The following TRIM37 variants were observed in gnomAD, a reference collection of about 807,000 sequenced individuals.
TRIM37 encodes tripartite motif containing 37, also known as E3 ubiquitin-protein ligase TRIM37.
TRIM37 carries 80 observed loss-of-function variants against 129.8 expected under a neutral mutation model. The ratio of observed to expected loss-of-function variants is 0.62; its 90% CI spans 0.51 to 0.74. The LOEUF (loss-of-function observed/expected upper bound fraction) is 0.74. Ranked by LOEUF, TRIM37 falls within the 30% of genes least tolerant of loss-of-function variation. The pLI, the probability that TRIM37 is intolerant of heterozygous loss-of-function variation, is 0.00. For missense variants in TRIM37, 1,054 were observed against 1,176.5 expected, an observed-to-expected ratio of 0.90 and a Z score of 1.52; for synonymous variants, 389 against 387.1, an observed-to-expected ratio of 1.00 and a Z score of -0.06.
Position 58,998,694 on chromosome 17 carries a change from C to T in TRIM37, c.*683G>A, listed in dbSNP as rs1335304492. The T allele has an allele frequency of 2.0e-6, 2 of 985,262 alleles. No individual in the cohort carries two copies. The highest frequency in any genetic ancestry group is 2.3e-4 in the East Asian group (2 of 8,828). 61.0% of individuals were successfully genotyped at this position (985,262 alleles called of 1,614,324 possible). The stretch of plus-strand genomic sequence containing the variant: ...TTTTAAATAATCTTACACGTGTCTA[C>T]AGGGCCAGGAACGTAATGAATCCAT... On this transcript the variant is annotated 3_prime_UTR_variant, in exon 24 of 24. Transcript: ENST00000262294.
chr17:59,081,035 A>T lies in TRIM37; in HGVS notation c.492+62T>A. ...AACATCTGATTAACTTATATTATAT[A>T]AATATATTATTATATATTACAGATT... On this transcript the variant is annotated intron_variant, in intron 6 of 23. Transcript: ENST00000262294. 5.4e-6 allele frequency: 5 copies of T among 921,330 alleles called. No homozygotes were observed. The South Asian group carries it at 1.4e-4, about 26-fold the overall frequency. 57.1% of individuals were successfully genotyped at this position (921,330 alleles called of 1,614,324 possible).
chr17:59,068,940 C>T (rs1312897128), intron 9 of TRIM37, among the ~76,000 whole-genome samples: 3 of 152,092 alleles, frequency 2.0e-5, no homozygotes, highest in Admixed American at 6.6e-5. Context: ...TGGGATACTG[C>T]TAAACATCTT....
intron 22 of TRIM37, among the ~76,000 whole-genome samples, chr17:59,004,987 A>G (rs2034283406): frequency 6.6e-6 from 1 of 152,240 alleles, no homozygotes; most frequent in South Asian, 2.1e-4. Flanking sequence ...AATTTTATGA[A>G]GTAGGGGAAA....
At chr17:59,089,512 G>C (rs955134852) in intron 3 of TRIM37, among the ~76,000 whole-genome samples, 1 of 151,962 alleles carries the variant, frequency 6.6e-6, no homozygotes. Flanking sequence ...GTGGTGGCAC[G>C]TGCCTGTAAT....
At chr17:59,012,570 A>G in intron 21 of TRIM37, 124 bp from the exon 22 acceptor site, 1 of 705,488 alleles carries the variant, frequency 1.4e-6, no homozygotes, top group East Asian at 2.7e-5. Context: ...TAAATTTCAA[A>G]TTTTATCTGA....
downstream of TRIM37, chr17:58,981,668 T>C (rs964584533): frequency 3.3e-5 from 5 of 152,646 alleles, no homozygotes; most frequent in African/African-American, 4.8e-5. Context: ...TCCTGTAACA[T>C]AAAAGATTGT....
chr17:59,056,019 G>C (rs748661507), intron 13 of TRIM37, among the ~76,000 whole-genome samples: 3 of 152,128 alleles, frequency 2.0e-5, no homozygotes, highest in Non-Finnish European at 2.9e-5. Flanking sequence ...ACAAAGAACT[G>C]ATAGTTGCTT....
chr17:59,100,028 C>G (rs932602747), intron 2 of TRIM37, among the ~76,000 whole-genome samples: 4 of 152,024 alleles, frequency 2.6e-5, no homozygotes, highest in African/African-American at 9.7e-5. Context: ...TCTCGAACTC[C>G]CGAATTCAGG....
chr17:59,069,974 C>T (rs985184284), intron 9 of TRIM37, among the ~76,000 whole-genome samples: 11 of 152,188 alleles, frequency 7.2e-5, no homozygotes, highest in African/African-American at 2.4e-4. Context: ...GTTTCTCGAA[C>T]TGTGAGAAAA....
intron 9 of TRIM37, 63 bp downstream of exon 9, chr17:59,070,760 A>G: frequency 6.5e-7 from 1 of 1,532,006 alleles, no homozygotes; most frequent in South Asian, 1.2e-5. Context: ...CATTCTTTTG[A>G]AACAAGTATA....
chr17:59,029,729 T>G (rs1473489246), intron 18 of TRIM37, among the ~76,000 whole-genome samples: 1 of 152,190 alleles, frequency 6.6e-6, no homozygotes, highest in Non-Finnish European at 1.5e-5. Flanking sequence ...GTGAAACCTG[T>G]CTCTACAAAA....
chr17:59,079,988 G>T (rs772281235), intron 6 of TRIM37, 111 bp from the exon 7 acceptor site: 3 of 1,273,560 alleles, frequency 2.4e-6, no homozygotes, highest in Non-Finnish European at 2.2e-6. Context: ...GTTAGAGGAA[G>T]GTCAAATGGA....
At chr17:59,075,312 C>T (rs2042712818) in intron 8 of TRIM37, among the ~76,000 whole-genome samples, 2 of 151,842 alleles carry the variant, frequency 1.3e-5, no homozygotes, top group Non-Finnish European at 2.9e-5. Flanking sequence ...GCCTGTAATC[C>T]CAGCAGCTTG....
At position 58,999,203 on chromosome 17, in the gene TRIM37, C is replaced by A; in HGVS notation, c.*174G>T. The stretch of plus-strand genomic sequence containing the variant: ...ATACTGTTTTTCCCATGTACTACTG[C>A]TGTCTTAGACTAAACTGTGCCACCT... On this transcript the variant is annotated 3_prime_UTR_variant, in exon 24 of 24. Transcript: ENST00000262294. The A allele has an allele frequency of 6.7e-7, 1 of 1,484,804 alleles. No individual in the cohort carries two copies. The highest frequency in any genetic ancestry group is 8.9e-7 in the Non-Finnish European group (1 of 1,120,814). 92.0% of individuals were successfully genotyped at this position (1,484,804 alleles called of 1,614,324 possible). A position where few individuals can be genotyped will look rare whatever the true frequency, so the allele number is the denominator to read the frequency against.
chr17:59,056,687 G>A (rs563823865), intron 13 of TRIM37, among the ~76,000 whole-genome samples, 188 bp downstream of exon 13: 45 of 116,958 alleles, frequency 3.8e-4, no homozygotes, highest in Admixed American at 3.2e-3. Flanking sequence ...CCGAGATCGC[G>A]CCAGGGCGAC....
In TRIM37 at chr17:59,079,734, C is replaced by T. The variant is rs755123260; in HGVS notation, c.616+20G>A. 2 of 1,613,536 alleles carry T rather than the reference C, an allele frequency of 1.2e-6. No homozygotes were observed. Among genetic ancestry groups the T allele is most frequent in the African/African-American group, 1.3e-5 (1 of 74,918 alleles). ...AAGCTGAAAGCACCAGGTACCCCAG[C>T]AGCATACATAAACACTTACCCATCA... On this transcript the variant is annotated intron_variant, in intron 7 of 23. Coordinates refer to ENST00000262294, the MANE Select transcript of TRIM37 (RefSeq NM_015294.6).
At chr17:58,990,308 T>G (rs1237573574) in intron 24 of TRIM37, among the ~76,000 whole-genome samples, 1 of 145,338 alleles carries the variant, frequency 6.9e-6, no homozygotes, top group African/African-American at 2.6e-5. Flanking sequence ...CTGGAAAACA[T>G]GGAGAAACCC....
chr17:59,022,200 T>TA, intron 19 of TRIM37, among the ~76,000 whole-genome samples: 1 of 152,288 alleles, frequency 6.6e-6, no homozygotes, highest in South Asian at 2.1e-4. Flanking sequence ...TATGACTATG[T>TA]AGTCAAGGAT....
At chr17:59,037,595 T>C (rs1306599192) in intron 17 of TRIM37, among the ~76,000 whole-genome samples, 2 of 149,128 alleles carry the variant, frequency 1.3e-5, no homozygotes, top group African/African-American at 5.0e-5. Flanking sequence ...AAAAAGGCTT[T>C]TTTAATTTTT....
Sources: gnomAD v4.1 joint callset for allele counts (sites outside exome capture counted in the v4.1 genomes callset) on GRCh38, gnomAD v4.1.1 for gene constraint, MANE v1.5 for transcripts, NCBI Gene and HGNC (gene_info 2026-07-23, HGNC 2026-07-21) for gene names.